The following STK25 variants were observed in gnomAD, a reference collection of about 807,000 sequenced individuals.
STK25 encodes serine/threonine kinase 25, also known as serine/threonine-protein kinase 25.
A neutral mutation model predicts 53.8 loss-of-function variants in STK25; 29 were observed. The ratio of observed to expected loss-of-function variants is 0.54; its 90% CI spans 0.40 to 0.74. The LOEUF (loss-of-function observed/expected upper bound fraction) is 0.74. Ranked by LOEUF, STK25 falls within the 30% of genes least tolerant of loss-of-function variation. STK25 has a pLI of 0.00. For synonymous variants in STK25, 247 were observed against 238.3 expected, an observed-to-expected ratio of 1.04 and a Z score of -0.33; for missense variants, 420 against 568.0, an observed-to-expected ratio of 0.74 and a Z score of 2.65.
In STK25 at chr2:241,496,335, C is replaced by T. The variant is rs1405334723; in HGVS notation, c.1241+63G>A. On this transcript the variant is annotated intron_variant, in intron 11 of 11. Transcript: ENST00000316586. This position sits in a 1 kb window ranked among gnomAD's most constrained non-coding sequence, Gnocchi z 5.8. ...ACACCCACGAGTGAGCACTGGACCT[C>T]ACCCCACGTCCAGCTTCTTGGTGGG... The T allele has an allele frequency of 3.2e-6, 5 of 1,570,080 alleles. No individual in the cohort carries two copies. The highest frequency in any genetic ancestry group is 4.3e-6 in the Non-Finnish European group (5 of 1,151,688).
rs755528962 is a variant in STK25, at chr2:241,501,743, C to T, written c.31-35G>A. On this transcript the variant is annotated intron_variant, in intron 2 of 11. Transcript: ENST00000316586. The surrounding 1 kb of genome is among the most constrained non-coding windows in gnomAD (Gnocchi z 5.3). ...CAGGGCGGGGACAGAGGGCAGACAG[C>T]GCCGGTCACAAGAGGCGGGGGACAG... The T allele has an allele frequency of 1.3e-5, 21 of 1,560,636 alleles. No homozygotes were observed. In the East Asian group the frequency reaches 2.0e-4, roughly 15 times the overall value.
Position 241,494,124 on chromosome 2 carries a change from G to GAA in STK25, c.*1537_*1538insTT. The GAA allele has an allele frequency of 6.8e-7, 1 of 1,474,282 alleles. No homozygotes were observed. The highest frequency in any genetic ancestry group is 8.9e-7 in the Non-Finnish European group (1 of 1,117,822). The allele number at this position is 1,474,282 out of a possible 1,614,324, so 91.3% of individuals were successfully genotyped here. On this transcript the variant is annotated 3_prime_UTR_variant, in exon 12 of 12. Coordinates refer to ENST00000316586, the MANE Select transcript of STK25 (RefSeq NM_001271977.2). This position sits in a 1 kb window ranked among gnomAD's most constrained non-coding sequence, Gnocchi z 4.9. ...GGGATGGTCAGGGGGAAGGAGGAAT[G>GAA]ACGCTCAACCTGCCCAGGTTTGGAC... is the stretch of plus-strand genomic sequence containing the variant.
chr2:241,504,568 G>A (rs6757649), intron 2 of STK25, among the ~76,000 whole-genome samples: 77,401 of 152,010 alleles, frequency 0.51, 20,643 homozygotes, highest in East Asian at 0.92. Context: ...AGCTGTCTCC[G>A]GGTTGAGGGT....
intron 5 of STK25, chr2:241,499,845 C>A: frequency 2.1e-6 from 1 of 467,790 alleles, no homozygotes; most frequent in Non-Finnish European, 4.0e-6. Flanking sequence ...CCCGTCTGCT[C>A]TCAGCAGGGC....
At chr2:241,499,797 G>A in intron 5 of STK25, 1 of 458,342 alleles carries the variant, frequency 2.2e-6, no homozygotes, top group Non-Finnish European at 4.0e-6. Context: ...ATGGCTCGTT[G>A]CCAGTGGCAA....
In STK25 at chr2:241,501,776, C is replaced by T. The variant is rs1353037619; in HGVS notation, c.31-68G>A. On this transcript the variant is annotated intron_variant, in intron 2 of 11. Coordinates refer to ENST00000316586, the MANE Select transcript of STK25 (RefSeq NM_001271977.2). This position sits in a 1 kb window ranked among gnomAD's most constrained non-coding sequence, Gnocchi z 5.3. ...ACAAGAGGCGGGGGACAGGCAGAGGCTGCCCTGCTGGGGAGGAAGGGACCT... is the reference window on the plus strand; with the variant it reads ...ACAAGAGGCGGGGGACAGGCAGAGGTTGCCCTGCTGGGGAGGAAGGGACCT... 7 of 1,273,252 alleles carry T rather than the reference C, an allele frequency of 5.5e-6. No homozygotes were observed. Among genetic ancestry groups the T allele is most frequent in the Non-Finnish European group, 7.8e-6 (7 of 894,534 alleles). 78.9% of individuals were successfully genotyped at this position (1,273,252 alleles called of 1,614,324 possible). A position where few individuals can be genotyped will look rare whatever the true frequency, so the allele number is the denominator to read the frequency against.
chr2:241,501,570 C>T lies in STK25; in HGVS notation c.169G>A (p.Glu57Lys), dbSNP rs1319907382. Residue 57 changes from glutamate (E) to lysine (K), a missense_variant, in exon 3 of 12, where the codon GAG (glutamate) becomes AAG (lysine). By Grantham distance (56) the Glu-to-Lys change is moderately conservative. Coordinates refer to ENST00000316586, the MANE Select transcript of STK25 (RefSeq NM_001271977.2). The surrounding 1 kb of genome is among the most constrained non-coding windows in gnomAD (Gnocchi z 5.3). ...TGCTGGATGTCCTCGATCTCATCCT[C>T]GGCCTCCTCCAGGTCGATGATCTTG... ...AIKIIDLEEA[E>K]DEIEDIQQEI... 3.1e-6 allele frequency: 5 copies of T among 1,614,166 alleles called. No homozygotes were observed. The highest frequency in any genetic ancestry group is 3.4e-6 in the Non-Finnish European group (4 of 1,180,042).
chr2:241,507,522 G>T (rs143645728), intron 2 of STK25, among the ~76,000 whole-genome samples: 1 of 152,210 alleles, frequency 6.6e-6, no homozygotes, highest in Non-Finnish European at 1.5e-5. Flanking sequence ...CTGCACACCG[G>T]CCACTCAGAT....
At chr2:241,507,861 AGGAC>A (rs2065937950) in intron 2 of STK25, 141 bp downstream of exon 2, 1 of 847,056 alleles carries the variant, frequency 1.2e-6, no homozygotes, top group Non-Finnish European at 1.8e-6. Context: ...CGCCCACCTC[AGGAC>A]GGCTCCGCTG....
In STK25 at chr2:241,493,494, T is replaced by C. The variant is rs777171524; in HGVS notation, c.*2168A>G. 6.3e-7 allele frequency: 1 copy of C among 1,575,450 alleles called. No individual in the cohort carries two copies. The highest frequency in any genetic ancestry group is 8.7e-7 in the Non-Finnish European group (1 of 1,146,554). On this transcript the variant is annotated 3_prime_UTR_variant, in exon 12 of 12. Coordinates refer to ENST00000316586, the MANE Select transcript of STK25 (RefSeq NM_001271977.2). The stretch of plus-strand genomic sequence containing the variant: ...GTCAGCTGCCCATTTCGATGTCCGC[T>C]CAGCTCCCATTTCTACTCATGGTGG...
Position 241,500,705 on chromosome 2 carries a change from T to C in STK25, c.318+35A>G, listed in dbSNP as rs532285117. 8.7e-6 allele frequency: 14 copies of C among 1,610,934 alleles called. No homozygotes were observed. In the East Asian group the frequency reaches 2.9e-4, roughly 33 times the overall value. Reference sequence around the variant, plus strand: ...TCTGAGGGGCAGGGGACTCGGACACTGCATGACCCCCCACTGCCATGGCCT... The same window carrying C: ...TCTGAGGGGCAGGGGACTCGGACACCGCATGACCCCCCACTGCCATGGCCT... On this transcript the variant is annotated intron_variant, in intron 4 of 11. Coordinates refer to ENST00000316586, the MANE Select transcript of STK25 (RefSeq NM_001271977.2).
Position 241,493,005 on chromosome 2 carries a change from A to ACTT in STK25, c.*2654_*2656dup, listed in dbSNP as rs756027873. The stretch of plus-strand genomic sequence containing the variant: ...CAGAAGCTCTGGGTCGTCTTTACCA[A>ACTT]CTTCTGTTTGTTCTTCTACAAAACT... On this transcript the variant is annotated 3_prime_UTR_variant, in exon 12 of 12. Transcript: ENST00000316586. The ACTT allele has an allele frequency of 3.1e-6, 5 of 1,609,400 alleles. No homozygotes were observed. In the African/African-American group the frequency reaches 6.7e-5, roughly 22 times the overall value.
Position 241,501,182 on chromosome 2 carries a change from G to GC in STK25, c.261+295dup, listed in dbSNP as rs1307173428. ...TACACCCCAGACACTGGCACCACCA[G>GC]CCACCTGCTCCTCACAGGCCCACTC... is the stretch of plus-strand genomic sequence containing the variant. On this transcript the variant is annotated intron_variant, in intron 3 of 11. Coordinates refer to ENST00000316586, the MANE Select transcript of STK25 (RefSeq NM_001271977.2). The surrounding 1 kb of genome is among the most constrained non-coding windows in gnomAD (Gnocchi z 5.3). The GC allele has an allele frequency of 9.0e-6, 5 of 552,678 alleles. No individual in the cohort carries two copies. Among genetic ancestry groups the GC allele is most frequent in the Admixed American group, 3.1e-5 (1 of 32,462 alleles). 34.2% of individuals were successfully genotyped at this position (552,678 alleles called of 1,614,324 possible).
chr2:241,508,576 G>A lies in STK25; in HGVS notation c.-234C>T. 8 of 990,916 alleles carry A rather than the reference G, an allele frequency of 8.1e-6. No individual in the cohort carries two copies. The South Asian group carries it at 1.3e-4, about 16-fold the overall frequency. 61.4% of individuals were successfully genotyped at this position (990,916 alleles called of 1,614,324 possible). A position where few individuals can be genotyped will look rare whatever the true frequency, so the allele number is the denominator to read the frequency against. On this transcript the variant is annotated 5_prime_UTR_variant, in exon 1 of 12. Coordinates refer to ENST00000316586, the MANE Select transcript of STK25 (RefSeq NM_001271977.2). ...AGCAACGGTGGTGGCGGCAGCGACC[G>A]GAGAAAGCCCGGAGGCGACGGCGAG...
At chr2:241,505,580 C>A (rs757960223) in intron 2 of STK25, among the ~76,000 whole-genome samples, 2 of 152,228 alleles carry the variant, frequency 1.3e-5, no homozygotes, top group Non-Finnish European at 2.9e-5. Flanking sequence ...TGCTGCTCTC[C>A]ACACAGGGCC....
In STK25 at chr2:241,495,685, T is replaced by C. The variant is rs1451779032; in HGVS notation, c.1258A>G (p.Asn420Asp). 6.2e-7 allele frequency: 1 copy of C among 1,614,040 alleles called. No individual in the cohort carries two copies. The highest frequency in any genetic ancestry group is 8.5e-7 in the Non-Finnish European group (1 of 1,180,008). Residue 420 changes from asparagine to aspartate, a missense_variant, in exon 12 of 12, where the codon AAC becomes GAC. By Grantham distance (23) the Asn-to-Asp change is conservative (BLOSUM62 1). Coordinates refer to ENST00000316586, the MANE Select transcript of STK25 (RefSeq NM_001271977.2). ...ERVQRFSHNR[N>D]HLTSTR Reference sequence around the variant, plus strand: ...CTTCAGCGGGTGGATGTCAGGTGGTTTCTGTTGTGTGAAAACCTGCAGAGA... The same window carrying C: ...CTTCAGCGGGTGGATGTCAGGTGGTCTCTGTTGTGTGAAAACCTGCAGAGA...
intron 5 of STK25, 132 bp from the exon 6 acceptor site, chr2:241,499,546 C>A: frequency 8.2e-7 from 1 of 1,217,636 alleles, no homozygotes; most frequent in East Asian, 2.6e-5. Flanking sequence ...GACCTCAGCC[C>A]TCCTTGCCAC....
intron 1 of STK25, 98 bp from the exon 2 acceptor site, chr2:241,508,233 C>G: frequency 7.6e-7 from 1 of 1,313,830 alleles, no homozygotes; most frequent in East Asian, 3.2e-5. Context: ...CCCAGGAGAC[C>G]CCCCAGGCCG....
chr2:241,508,229 A>T (rs1349164352), intron 1 of STK25, 94 bp from the exon 2 acceptor site: 1 of 1,327,036 alleles, frequency 7.5e-7, no homozygotes, highest in African/African-American at 1.6e-5. Flanking sequence ...GGGGCCCAGG[A>T]GACCCCCCAG....
Sources: allele counts gnomAD v4.1 joint callset (sites outside exome capture counted in the v4.1 genomes callset), GRCh38; gene constraint gnomAD v4.1.1; non-coding constraint Gnocchi (gnomAD v3.1); transcripts MANE v1.5; gene names NCBI Gene and HGNC (gene_info 2026-07-23, HGNC 2026-07-21).